Variants in IGSF11 observed in about 807,000 individuals in gnomAD.
IGSF11 encodes CXADR like 1.
IGSF11 carries 22 observed loss-of-function variants against 41.0 expected under a neutral mutation model. That is an observed-to-expected ratio of 0.54 (90% CI 0.38 to 0.77). The LOEUF (loss-of-function observed/expected upper bound fraction) is 0.77, where lower values mean the gene tolerates loss of function less well. Among genes scored for constraint, IGSF11 ranks in the 30% least tolerant of loss-of-function variants. The probability of loss-of-function intolerance (pLI) is 0.00; values close to 1 mark genes in which losing one functional copy is unlikely to be tolerated. For synonymous variants in IGSF11, 219 were observed against 201.3 expected, an observed-to-expected ratio of 1.09 and a Z score of -0.74; for missense variants, 444 against 530.8, an observed-to-expected ratio of 0.84 and a Z score of 1.61.
chr3:119,134,693 A>G (rs887855819), intron 1 of IGSF11, among the ~76,000 whole-genome samples: 1 of 152,226 alleles, frequency 6.6e-6, no homozygotes, highest in African/African-American at 2.4e-5. Context: ...GACTTTCTTC[A>G]CAGAATTGGA....
intron 1 of IGSF11, among the ~76,000 whole-genome samples, chr3:118,970,846 C>A (rs1024366904): frequency 5.3e-5 from 8 of 151,286 alleles, no homozygotes; most frequent in African/African-American, 1.5e-4. Flanking sequence ...ATTAAATAGT[C>A]TTTTCATTTG....
intron 1 of IGSF11, among the ~76,000 whole-genome samples, chr3:119,014,932 T>C (rs1027551923): frequency 2.6e-5 from 4 of 152,230 alleles, no homozygotes; most frequent in African/African-American, 9.6e-5. Context: ...TACACCTTTT[T>C]ATGTATCTAA....
chr3:119,132,880 C>A (rs1485093410), intron 1 of IGSF11, among the ~76,000 whole-genome samples: 5 of 152,108 alleles, frequency 3.3e-5, no homozygotes, highest in Non-Finnish European at 5.9e-5. Flanking sequence ...CAGACCACAG[C>A]ACAATCAAAT....
chr3:119,145,920 A>C (rs762135072), exon 1 of IGSF11: 6 of 404,324 alleles, frequency 1.5e-5, no homozygotes, highest in Admixed American at 4.2e-5. Flanking sequence ...GTTGCTCGGC[A>C]GGGTGAGGAG....
chr3:118,977,786 T>C (rs1372924375), intron 1 of IGSF11, among the ~76,000 whole-genome samples: 3 of 152,136 alleles, frequency 2.0e-5, no homozygotes, highest in African/African-American at 7.2e-5. Context: ...GAAGGCACTG[T>C]TCCAGACCGG....
chr3:119,123,960 A>G (rs2107532236), intron 1 of IGSF11, among the ~76,000 whole-genome samples: 1 of 152,346 alleles, frequency 6.6e-6, no homozygotes, highest in African/African-American at 2.4e-5. Context: ...GCCAAAGAAC[A>G]TCTACAAGCA....
chr3:118,982,117 G>C lies in IGSF11; in HGVS notation c.53-51842C>G, dbSNP rs186309119. ...ACCTGCCAGTATATTCAAGTTCCCT[G>C]TAAGAGGGAAACCTGGTCATGAGTT... On this transcript the variant is annotated intron_variant, in intron 1 of 6. Coordinates refer to ENST00000393775, the MANE Select transcript of IGSF11 (RefSeq NM_001015887.3). 4.3e-4 allele frequency among the ~76,000 whole-genome samples: 65 copies of C among 152,236 alleles called. 2 individuals carry two copies. Among genetic ancestry groups the C allele is most frequent in the Admixed American group, 2.8e-3 (43 of 15,300 alleles).
chr3:118,951,503 C>A (rs1339310506), intron 1 of IGSF11, among the ~76,000 whole-genome samples: 1 of 152,090 alleles, frequency 6.6e-6, no homozygotes, highest in African/African-American at 2.4e-5. Flanking sequence ...TTTTCAGATT[C>A]TTTTTCACAA....
intron 1 of IGSF11, among the ~76,000 whole-genome samples, chr3:119,130,414 C>T (rs2077465491): frequency 6.6e-6 from 1 of 152,206 alleles, no homozygotes; most frequent in Non-Finnish European, 1.5e-5. Flanking sequence ...TCTCCTGTGC[C>T]TGGCTCGGCA....
At chr3:118,912,847 G>T (rs1940508014) in intron 4 of IGSF11, among the ~76,000 whole-genome samples, 1 of 152,022 alleles carries the variant, frequency 6.6e-6, no homozygotes, top group Non-Finnish European at 1.5e-5. Context: ...AGGCAACATA[G>T]AAATAGCCAG....
At chr3:119,054,436 C>G (rs561653058) in intron 1 of IGSF11, among the ~76,000 whole-genome samples, 1 of 152,250 alleles carries the variant, frequency 6.6e-6, no homozygotes, top group Non-Finnish European at 1.5e-5. Context: ...GAAAAATGCT[C>G]AACATCACTA....
intron 1 of IGSF11, among the ~76,000 whole-genome samples, chr3:118,931,345 T>C (rs1055214614): frequency 1.3e-5 from 2 of 152,190 alleles, no homozygotes; most frequent in Non-Finnish European, 2.9e-5. Context: ...CACAACGACT[T>C]GTCCATGAAT....
intron 1 of IGSF11, among the ~76,000 whole-genome samples, chr3:119,045,417 G>A (rs1002041171): frequency 8.5e-5 from 13 of 152,216 alleles, no homozygotes; most frequent in Non-Finnish European, 1.8e-4. Context: ...ACTCCCACCC[G>A]AATACTGCGC....
chr3:119,023,441 A>C (rs140290685), intron 1 of IGSF11, among the ~76,000 whole-genome samples: 1 of 152,300 alleles, frequency 6.6e-6, no homozygotes, highest in African/African-American at 2.4e-5. Flanking sequence ...TAGTGCTGCT[A>C]CAATTGACAT....
intron 1 of IGSF11, among the ~76,000 whole-genome samples, chr3:119,144,468 G>C (rs546593418): frequency 6.6e-6 from 1 of 152,122 alleles, no homozygotes; most frequent in South Asian, 2.1e-4. Flanking sequence ...GAACACAGCA[G>C]AATGAAGCTA....
In IGSF11 at chr3:119,067,077, G is replaced by T. The variant is rs72953032; in HGVS notation, c.49+38067C>A. On this transcript the variant is annotated intron_variant, in intron 1 of 6. Transcript: ENST00000354673. ...TTTTTCTTCATTATACATCCTATTT[G>T]TCTTGCCTCAATGTAAATCTAGTAG... 3.8e-3 allele frequency among the ~76,000 whole-genome samples: 582 copies of T among 152,062 alleles called. 2 individuals are homozygous for T. Among genetic ancestry groups the T allele is most frequent in the African/African-American group, 0.014 (564 of 41,464 alleles).
At chr3:119,009,427 T>C (rs1937829153) in intron 1 of IGSF11, among the ~76,000 whole-genome samples, 1 of 152,130 alleles carries the variant, frequency 6.6e-6, no homozygotes, top group African/African-American at 2.4e-5. Context: ...GGGGGCAGTT[T>C]CCCCCATGCT....
Position 119,121,366 on chromosome 3 carries a change from A to T in IGSF11, c.-13-16161T>A, listed in dbSNP as rs11922202. ...ATAAAGGATAGGAATAATGAGATAA[A>T]AATTATTAACAGGAACCAAATGAAA... On this transcript the variant is annotated intron_variant, in intron 1 of 7. Coordinates refer to the IGSF11 transcript ENST00000425327. Among the ~76,000 whole-genome samples, 797 of 152,304 alleles carry T rather than the reference A, an allele frequency of 5.2e-3. 13 individuals are homozygous for T. The highest frequency in any genetic ancestry group is 0.018 in the African/African-American group (731 of 41,564).
At chr3:118,974,364 G>A (rs143073982) in intron 1 of IGSF11, among the ~76,000 whole-genome samples, 10 of 152,288 alleles carry the variant, frequency 6.6e-5, no homozygotes, top group African/African-American at 2.2e-4. Context: ...AGAAAGATCC[G>A]TTGGAAGAAA....
Sources: gnomAD v4.1 joint callset for allele counts (sites outside exome capture counted in the v4.1 genomes callset) on GRCh38, gnomAD v4.1.1 for gene constraint, MANE v1.5 for transcripts, NCBI Gene and HGNC (gene_info 2026-07-23, HGNC 2026-07-21) for gene names.